Variants in TNFRSF13B observed in about 807,000 individuals in gnomAD.
TNFRSF13B encodes tumor necrosis factor receptor superfamily member 13B.
In TNFRSF13B, 34 loss-of-function variants were observed where a neutral mutation model predicts 24.0. The ratio of observed to expected loss-of-function variants is 1.41; its 90% confidence interval spans 1.08 to 1.88. The LOEUF (loss-of-function observed/expected upper bound fraction) is 1.88. Among genes scored for constraint, TNFRSF13B ranks in the 40% most tolerant of loss-of-function variants. TNFRSF13B has a pLI of 0.00. For synonymous variants in TNFRSF13B, 173 were observed against 150.3 expected (o/e 1.15, Z -1.10); for missense variants, 415 against 380.8 (o/e 1.09, Z -0.75).
chr17:16,950,372 A>G (rs946800808), intron 2 of TNFRSF13B, among the ~76,000 whole-genome samples: 2 of 152,240 alleles, frequency 1.3e-5, no homozygotes, highest in African/African-American at 4.8e-5. Flanking sequence ...TGCCTGGCAC[A>G]TACTAAATGC....
At chr17:16,941,653 G>A (rs756565343) in intron 3 of TNFRSF13B, among the ~76,000 whole-genome samples, 8 of 152,156 alleles carry the variant, frequency 5.3e-5, no homozygotes, top group Non-Finnish European at 5.9e-5. Flanking sequence ...CTGTATTAAA[G>A]TGTACAACCA....
chr17:16,940,748 G>T, intron 3 of TNFRSF13B: 1 of 1,426,244 alleles, frequency 7.0e-7, no homozygotes, highest in Non-Finnish European at 9.1e-7. Flanking sequence ...CGTGAGCTAG[G>T]CCTTCTTGTT....
intron 1 of TNFRSF13B, among the ~76,000 whole-genome samples, chr17:16,964,055 GAGA>G (rs1019774499): frequency 6.6e-6 from 1 of 152,054 alleles, no homozygotes; most frequent in Non-Finnish European, 1.5e-5. Flanking sequence ...AACTGGGAAG[GAGA>G]AGGAGGAAGA....
At chr17:16,960,976 A>C (rs909929986) in intron 1 of TNFRSF13B, among the ~76,000 whole-genome samples, 7 of 152,246 alleles carry the variant, frequency 4.6e-5, no homozygotes, top group African/African-American at 1.7e-4. Context: ...TAAAACATTC[A>C]AGTGGTCAAC....
chr17:16,941,914 C>T (rs1160333055), intron 3 of TNFRSF13B, among the ~76,000 whole-genome samples: 1 of 152,176 alleles, frequency 6.6e-6, no homozygotes, highest in Non-Finnish European at 1.5e-5. Flanking sequence ...TTTTCAAGGT[C>T]CACCATGTCC....
intron 1 of TNFRSF13B, among the ~76,000 whole-genome samples, chr17:16,967,750 T>TTAAAAAAAA (rs1567657162): frequency 4.6e-4 from 9 of 19,380 alleles, no homozygotes; most frequent in African/African-American, 2.4e-3. Flanking sequence ...AGACTCCGTC[T>TTAAAAAAAA]CAAAAAAAAA....
intron 3 of TNFRSF13B, among the ~76,000 whole-genome samples, chr17:16,945,110 G>A (rs2087538144): frequency 1.3e-5 from 2 of 152,240 alleles, no homozygotes; most frequent in Admixed American, 1.3e-4. Context: ...GCAGTGCACA[G>A]CGACAGTCAC....
chr17:16,940,197 T>C lies in TNFRSF13B; in HGVS notation c.631+129A>G, dbSNP rs1345572641. ...GTCTTAACCTGATTTTATCAAGGTA[T>C]AGCAAGTAACAGGGATGAGCCCTGG... On this transcript the variant is annotated intron_variant, in intron 4 of 4. Transcript: ENST00000261652. 13 of 1,589,144 alleles carry C rather than the reference T, an allele frequency of 8.2e-6. No homozygotes were observed. The Admixed American group carries it at 1.6e-4, about 19-fold the overall frequency.
chr17:16,966,282 C>CA (rs1168411044), intron 1 of TNFRSF13B, among the ~76,000 whole-genome samples: 1 of 148,880 alleles, frequency 6.7e-6, no homozygotes, highest in Non-Finnish European at 1.5e-5. Flanking sequence ...AAAACAAAAA[C>CA]AAAAAACGAC....
chr17:16,952,489 G>T lies in TNFRSF13B; in HGVS notation c.156C>A (p.Thr52=). 2 of 1,614,198 alleles carry T rather than the reference G, an allele frequency of 1.2e-6. No homozygotes were observed. Among genetic ancestry groups the T allele is most frequent in the Non-Finnish European group, 1.7e-6 (2 of 1,180,018 alleles). The change falls in exon 2 of 5, where the codon ACC becomes ACA. Residue 52 remains threonine (T), a synonymous_variant. Transcript: ENST00000261652. The part of the protein sequence containing the change: ...PLLGTCMSCK[T]ICNHQSQRTC... ...TGCGCTGGCTCTGATGGTTGCAAAT[G>T]GTTTTGCAGGACATGCAGGTACCCA...
At chr17:16,959,365 A>C (rs2087646108) in intron 1 of TNFRSF13B, among the ~76,000 whole-genome samples, 1 of 152,084 alleles carries the variant, frequency 6.6e-6, no homozygotes, top group Admixed American at 6.5e-5. Flanking sequence ...CATACACTGA[A>C]AAAGAAGAAT....
At chr17:16,960,621 G>C (rs1184718874) in intron 1 of TNFRSF13B, among the ~76,000 whole-genome samples, 1 of 152,076 alleles carries the variant, frequency 6.6e-6, no homozygotes, top group Non-Finnish European at 1.5e-5. Context: ...ACTCAAAATG[G>C]ACTAAGTGCT....
chr17:16,955,524 T>TTGATGGATTATG, intron 1 of TNFRSF13B, among the ~76,000 whole-genome samples: 1 of 152,124 alleles, frequency 6.6e-6, no homozygotes, highest in South Asian at 2.1e-4. Flanking sequence ...AGACAAAAGA[T>TTGATGGATTATG]AGGAGATTAT....
At chr17:16,953,293 A>G (rs558511204) in intron 1 of TNFRSF13B, among the ~76,000 whole-genome samples, 1 of 152,368 alleles carries the variant, frequency 6.6e-6, no homozygotes, top group South Asian at 2.1e-4. Context: ...AGCACACAGC[A>G]AGAACCAAGA....
At chr17:16,956,474 A>G (rs2087625501) in intron 1 of TNFRSF13B, among the ~76,000 whole-genome samples, 1 of 152,248 alleles carries the variant, frequency 6.6e-6, no homozygotes, top group African/African-American at 2.4e-5. Flanking sequence ...TGAAATCAAG[A>G]TTTGTGTTAG....
chr17:16,951,036 C>A (rs1279471711), intron 2 of TNFRSF13B, among the ~76,000 whole-genome samples: 1 of 152,216 alleles, frequency 6.6e-6, no homozygotes, highest in African/African-American at 2.4e-5. Context: ...ACGGCAGATT[C>A]CTATTTCCAT....
chr17:16,962,149 A>G (rs1597666987), intron 1 of TNFRSF13B, among the ~76,000 whole-genome samples: 1 of 152,330 alleles, frequency 6.6e-6, no homozygotes, highest in African/African-American at 2.4e-5. Context: ...AGAGCTGGAG[A>G]TGAATTACCT....
chr17:16,959,491 A>T (rs897575227), intron 1 of TNFRSF13B, among the ~76,000 whole-genome samples: 4 of 152,034 alleles, frequency 2.6e-5, no homozygotes, highest in African/African-American at 9.7e-5. Context: ...TAGAGCAGAG[A>T]TCAATAACAC....
At chr17:16,943,954 C>T (rs548708393) in intron 3 of TNFRSF13B, among the ~76,000 whole-genome samples, 7 of 152,302 alleles carry the variant, frequency 4.6e-5, no homozygotes, top group African/African-American at 7.2e-5. Flanking sequence ...TAGAACCCCA[C>T]GCCAGTCTCC....
Sources: allele counts gnomAD v4.1 joint callset (sites outside exome capture counted in the v4.1 genomes callset), GRCh38; gene constraint gnomAD v4.1.1; transcripts MANE v1.5; gene names NCBI Gene and HGNC (gene_info 2026-07-23, HGNC 2026-07-21).